Variants in EPAS1 observed in about 807,000 individuals in gnomAD.
EPAS1 encodes endothelial PAS domain protein 1, also known as endothelial PAS domain-containing protein 1.
A neutral mutation model predicts 87.9 loss-of-function variants in EPAS1; 23 were observed. The ratio of observed to expected loss-of-function variants is 0.26; its 90% CI spans 0.19 to 0.37. The LOEUF is 0.37. EPAS1 is among the 10% of genes least tolerant of loss of function. The probability of loss-of-function intolerance (pLI) is 1.00; values close to 1 mark genes in which losing one functional copy is unlikely to be tolerated. For missense variants in EPAS1, 1,138 were observed against 1,120.7 expected (o/e 1.02, Z -0.22); for synonymous variants, 508 against 444.3 (o/e 1.14, Z -1.80).
Position 46,384,835 on chromosome 2 carries a change from T to A in EPAS1, c.*175T>A. ...TGGCCTTTTTCTGAGATGCTCACTT[T>A]ATTATCCCTATTTTTAAAGTACACA... On this transcript the variant is annotated 3_prime_UTR_variant, in exon 16 of 16. Coordinates refer to ENST00000263734, the MANE Select transcript of EPAS1 (RefSeq NM_001430.5). 1 of 711,174 alleles carries A rather than the reference T, an allele frequency of 1.4e-6. No homozygotes were observed. The highest frequency in any genetic ancestry group is 2.3e-6 in the Non-Finnish European group (1 of 429,036). The allele number at this position is 711,174 out of a possible 1,614,324, so 44.1% of individuals were successfully genotyped here.
At chr2:46,382,623 C>T (rs2103678614) in intron 15 of EPAS1, 25 bp downstream of exon 15, 1 of 1,613,766 alleles carries the variant, frequency 6.2e-7, no homozygotes, top group Non-Finnish European at 8.5e-7. Context: ...GATCTGTCAC[C>T]CCCATCCCAG....
chr2:46,310,509 G>A (rs1286781607), intron 1 of EPAS1, among the ~76,000 whole-genome samples: 1 of 152,140 alleles, frequency 6.6e-6, no homozygotes, highest in African/African-American at 2.4e-5. Flanking sequence ...CTTTCCTAGT[G>A]TTTGGTCACA....
intron 15 of EPAS1, 141 bp downstream of exon 15, chr2:46,382,739 T>G (rs1329894111): frequency 8.7e-7 from 1 of 1,149,546 alleles, no homozygotes; most frequent in Non-Finnish European, 1.3e-6. Context: ...GGCTCAGGTC[T>G]CCTTGGATTT....
At chr2:46,318,191 CACACACAA>C (rs1683381873) in intron 1 of EPAS1, among the ~76,000 whole-genome samples, 1 of 151,564 alleles carries the variant, frequency 6.6e-6, no homozygotes. Context: ...TACACACACA[CACACACAA>C]ACACACACAC....
chr2:46,302,423 T>A (rs1197816005), intron 1 of EPAS1, among the ~76,000 whole-genome samples: 1 of 152,160 alleles, frequency 6.6e-6, no homozygotes, highest in East Asian at 1.9e-4. Context: ...TTTAGCCTGA[T>A]GAATCTTCCC....
At chr2:46,342,334 C>G (rs926978882) in intron 1 of EPAS1, among the ~76,000 whole-genome samples, 4 of 152,202 alleles carry the variant, frequency 2.6e-5, no homozygotes, top group South Asian at 2.1e-4. Flanking sequence ...GTCACTAGAC[C>G]TCTCCCAATT....
At chr2:46,301,232 A>AT (rs1384280396) in intron 1 of EPAS1, among the ~76,000 whole-genome samples, 1 of 152,196 alleles carries the variant, frequency 6.6e-6, no homozygotes, top group African/African-American at 2.4e-5. Flanking sequence ...AAGGAAACTG[A>AT]TGCCGAGAGA....
intron 7 of EPAS1, among the ~76,000 whole-genome samples, chr2:46,370,892 G>T (rs910250388): frequency 6.6e-6 from 1 of 152,116 alleles, no homozygotes; most frequent in African/African-American, 2.4e-5. Flanking sequence ...TGGCCCACTG[G>T]GGGTGATATA....
chr2:46,367,620 CCT>C (rs976483996), intron 6 of EPAS1, among the ~76,000 whole-genome samples: 23 of 152,260 alleles, frequency 1.5e-4, no homozygotes, highest in African/African-American at 5.5e-4. Flanking sequence ...AGTTCAGAGA[CCT>C]CTCTGCTCAG....
intron 2 of EPAS1, 28 bp from the exon 3 acceptor site, chr2:46,356,123 A>ACGGTGGGGGGGGGGGGG: frequency 2.1e-6 from 3 of 1,429,236 alleles, no homozygotes; most frequent in Non-Finnish European, 2.9e-6. Flanking sequence ...ACATTCATGC[A>ACGGTGGGGGGGGGGGGG]AGCTGTCCCA....
chr2:46,327,869 C>T (rs980187953), intron 1 of EPAS1, among the ~76,000 whole-genome samples: 3 of 152,222 alleles, frequency 2.0e-5, no homozygotes, highest in Non-Finnish European at 2.9e-5. Context: ...CCCGCCAGAG[C>T]CCTCCTGCCA....
At chr2:46,374,379 T>C (rs1377984414) in intron 7 of EPAS1, among the ~76,000 whole-genome samples, 1 of 152,180 alleles carries the variant, frequency 6.6e-6, no homozygotes, top group Non-Finnish European at 1.5e-5. Context: ...TATGTATTAG[T>C]ATCTCTAAGA....
chr2:46,378,582 T>G (rs1684810658), intron 10 of EPAS1, 75 bp from the exon 11 acceptor site: 1 of 1,285,744 alleles, frequency 7.8e-7, no homozygotes, highest in Non-Finnish European at 1.1e-6. Flanking sequence ...GGAAGGTATT[T>G]CTTCTTCCAT....
chr2:46,376,498 GA>G (rs1333281985), intron 8 of EPAS1, 40 bp from the exon 9 acceptor site: 2 of 1,608,964 alleles, frequency 1.2e-6, no homozygotes, highest in East Asian at 4.5e-5. Flanking sequence ...AATTTTTCTA[GA>G]AAATGTGGAA....
chr2:46,309,047 C>T (rs1683163947), intron 1 of EPAS1, among the ~76,000 whole-genome samples: 1 of 152,150 alleles, frequency 6.6e-6, no homozygotes, highest in Non-Finnish European at 1.5e-5. Flanking sequence ...TTCTTTTTTC[C>T]CCACAGAAGT....
chr2:46,329,740 T>A (rs1489961145), intron 1 of EPAS1, among the ~76,000 whole-genome samples: 1 of 152,128 alleles, frequency 6.6e-6, no homozygotes, highest in Non-Finnish European at 1.5e-5. Context: ...GAGAATCGCT[T>A]GAACCCGGGA....
intron 1 of EPAS1, among the ~76,000 whole-genome samples, chr2:46,336,435 C>A (rs139536517): frequency 6.6e-6 from 1 of 152,068 alleles, no homozygotes; most frequent in African/African-American, 2.4e-5. Flanking sequence ...GCCAGGGACA[C>A]TGCTGGAAGA....
chr2:46,356,633 G>C (rs1684277422), intron 3 of EPAS1, 91 bp from the exon 4 acceptor site: 4 of 1,019,958 alleles, frequency 3.9e-6, no homozygotes, highest in Non-Finnish European at 6.3e-6. Context: ...TCTCCTCCCT[G>C]CCTCCAAATC....
intron 1 of EPAS1, among the ~76,000 whole-genome samples, chr2:46,340,418 T>C (rs1171436571): frequency 6.6e-6 from 1 of 152,140 alleles, no homozygotes; most frequent in Admixed American, 6.5e-5. Context: ...GGCTGAGGTA[T>C]GAGATGCTTT....
Sources: gnomAD v4.1 joint callset for allele counts (sites outside exome capture counted in the v4.1 genomes callset) on GRCh38, gnomAD v4.1.1 for gene constraint, MANE v1.5 for transcripts, NCBI Gene and HGNC (gene_info 2026-07-23, HGNC 2026-07-21) for gene names.